Variants in MAT2B observed in about 807,000 individuals in gnomAD.
The protein encoded by MAT2B is methionine adenosyltransferase 2 subunit beta.
Under a neutral mutation model 36.1 loss-of-function variants are expected in MAT2B, and 16 were observed. The ratio of observed to expected loss-of-function variants is 0.44; its 90% confidence interval spans 0.30 to 0.67. The LOEUF is 0.67. Ranked by LOEUF, MAT2B falls within the 30% of genes least tolerant of loss-of-function variation. The pLI, the probability that MAT2B is intolerant of heterozygous loss-of-function variation, is 0.09. For missense variants in MAT2B, 332 were observed against 398.2 expected (o/e 0.83, Z 1.42); for synonymous variants, 148 against 136.9 (o/e 1.08, Z -0.57).
Position 163,511,995 on chromosome 5 carries a change from CT to C in MAT2B, c.64-3del. The C allele has an allele frequency of 6.2e-7, 1 of 1,607,672 alleles. No individual in the cohort carries two copies. The highest frequency in any genetic ancestry group is 8.5e-7 in the Non-Finnish European group (1 of 1,175,618). The stretch of plus-strand genomic sequence containing the variant: ...AGTAACTCTTTCTATCCGCCTTCAC[CT>C]TTTAGGAGGAAGTTAACATCCCTAA... On this transcript the variant is annotated splice_polypyrimidine_tract_variant and splice_region_variant and intron_variant, in intron 1 of 6. Coordinates refer to ENST00000321757, the MANE Select transcript of MAT2B (RefSeq NM_013283.5).
chr5:163,505,616 GCTGAGGCCCGCGTCGATC>G, exon 1 of MAT2B: 2 of 1,249,746 alleles, frequency 1.6e-6, no homozygotes, highest in Non-Finnish European at 2.0e-6. Flanking sequence ...GGGCGTCTGA[GCTGAGGCCCGCGTCGATC>G]CTGGGTTGGA....
intron 5 of MAT2B, chr5:163,517,139 A>G (rs1760145425): frequency 9.0e-6 from 2 of 222,736 alleles, no homozygotes; most frequent in South Asian, 2.4e-4. Flanking sequence ...CAGTTTTTTA[A>G]TATATGAGAA....
At chr5:163,515,882 C>T (rs1463461527) in intron 4 of MAT2B, among the ~76,000 whole-genome samples, 3 of 143,764 alleles carry the variant, frequency 2.1e-5, no homozygotes, top group African/African-American at 7.6e-5. Flanking sequence ...TTAAGCAATC[C>T]TCCCACCACG....
rs376756318 is a variant in MAT2B at position 163,512,066 on chromosome 5, C to T, written c.128C>T (p.Ala43Val). 1 of 1,614,168 alleles carries T rather than the reference C, an allele frequency of 6.2e-7. No homozygotes were observed. The highest frequency in any genetic ancestry group is 8.5e-7 in the Non-Finnish European group (1 of 1,179,992). ...GGTGCCACTGGGCTTCTTGGCAGAG[C>T]TGTACACAAAGAATTTCAGCAGAAT... ...VTGATGLLGR[A>V]VHKEFQQNNW... Residue 43 changes from alanine to valine, a missense_variant, in exon 2 of 7, where the codon GCT becomes GTT. By Grantham distance (64) the Ala-to-Val change is moderately conservative (BLOSUM62 0). Transcript: ENST00000321757.
In MAT2B at chr5:163,515,929, C is replaced by G. The variant is rs1291953397; in HGVS notation, c.527-589C>G. Among the ~76,000 whole-genome samples the G allele has an allele frequency of 2.6e-5, 4 of 151,942 alleles. 1 individual carries two copies. The highest frequency in any genetic ancestry group is 5.9e-5 in the Non-Finnish European group (4 of 67,976). On this transcript the variant is annotated intron_variant, in intron 4 of 6. Transcript: ENST00000321757. ...TTTTTACATTTTGTAGAGACGAGGT[C>G]TCACTGTGTTGTCCACGCTGGTCTC...
At chr5:163,514,444 C>T (rs1488120527) in intron 4 of MAT2B, among the ~76,000 whole-genome samples, 1 of 152,098 alleles carries the variant, frequency 6.6e-6, no homozygotes, top group Admixed American at 6.6e-5. Flanking sequence ...TTGTGTATAA[C>T]ACACATCTCC....
chr5:163,515,688 CAT>C lies in MAT2B; in HGVS notation c.527-827_527-826del, dbSNP rs758720365. Among the ~76,000 whole-genome samples, 8 of 146,368 alleles carry C rather than the reference CAT, an allele frequency of 5.5e-5. No homozygotes were observed. In the South Asian group the frequency reaches 1.8e-3, roughly 33 times the overall value. Reference sequence around the variant, plus strand: ...CATGATAAGTTTTATTTTTAATGATCATATTAATGTAGGATTTATATATATAA... The same window carrying C: ...CATGATAAGTTTTATTTTTAATGATCATTAATGTAGGATTTATATATATAA... On this transcript the variant is annotated intron_variant, in intron 4 of 6. Transcript: ENST00000321757.
At chr5:163,516,931 C>T (rs1316281157) in intron 5 of MAT2B, 5 of 588,302 alleles carry the variant, frequency 8.5e-6, no homozygotes, top group Middle Eastern at 4.3e-4. Flanking sequence ...ACTATAGATC[C>T]CATCATTTCT....
chr5:163,512,380 C>G (rs181047154), intron 2 of MAT2B, 184 bp downstream of exon 2: 1 of 603,254 alleles, frequency 1.7e-6, no homozygotes, highest in South Asian at 2.0e-5. Flanking sequence ...AATTTTGACA[C>G]GCTGACAAAG....
intron 1 of MAT2B, among the ~76,000 whole-genome samples, chr5:163,509,694 G>T (rs895196465): frequency 2.6e-5 from 4 of 152,138 alleles, no homozygotes; most frequent in Non-Finnish European, 4.4e-5. Context: ...TATTTATCCT[G>T]TGTAAATTGT....
intron 1 of MAT2B, among the ~76,000 whole-genome samples, chr5:163,509,786 A>C (rs914331013): frequency 6.6e-6 from 1 of 152,156 alleles, no homozygotes. Flanking sequence ...TTTCTTGCCA[A>C]ATTTCAAAGA....
At chr5:163,516,844 A>T in intron 5 of MAT2B, 133 bp downstream of exon 5, 1 of 782,444 alleles carries the variant, frequency 1.3e-6, no homozygotes, top group Non-Finnish European at 2.2e-6. Context: ...GAGACCAAAC[A>T]AAAGTAGTTT....
At chr5:163,515,941 T>C (rs1031323189) in intron 4 of MAT2B, among the ~76,000 whole-genome samples, 21 of 151,974 alleles carry the variant, frequency 1.4e-4, no homozygotes, top group Non-Finnish European at 2.2e-4. Flanking sequence ...CACTGTGTTG[T>C]CCACGCTGGT....
chr5:163,512,445 A>G (rs955343302), intron 2 of MAT2B: 1 of 520,258 alleles, frequency 1.9e-6, no homozygotes, highest in African/African-American at 1.9e-5. Context: ...CTTCTAAGTA[A>G]TACTTTCTCT....
chr5:163,505,750 G>A lies in MAT2B; in HGVS notation c.63+1G>A. 1 of 1,274,006 alleles carries A rather than the reference G, an allele frequency of 7.8e-7. No individual in the cohort carries two copies. The highest frequency in any genetic ancestry group is 1.0e-6 in the Non-Finnish European group (1 of 1,002,986). The allele number at this position is 1,274,006 out of a possible 1,614,324, so 78.9% of individuals were successfully genotyped here. On this transcript the variant is annotated splice_donor_variant, in intron 1 of 6. Transcript: ENST00000321757. LOFTEE classifies it high-confidence loss of function. ...TCCCGGGAGCTGTCGGCTGGTGGAG[G>A]TGAGGGAGTCGGCCTGGGCGTCTCC...
upstream of MAT2B, chr5:163,503,462 G>A (rs376852803): frequency 6.3e-6 from 10 of 1,591,654 alleles, no homozygotes; most frequent in Admixed American, 1.2e-4. Context: ...GCATTCTAGA[G>A]TAAGAGATGC....
At chr5:163,517,985 G>A in intron 6 of MAT2B, 1 of 516,638 alleles carries the variant, frequency 1.9e-6, no homozygotes, top group Non-Finnish European at 3.4e-6. Context: ...AGGCACAATG[G>A]CTCATGCCTG....
At chr5:163,517,456 G>A (rs1339426687) in intron 5 of MAT2B, 105 bp from the exon 6 acceptor site, 4 of 573,724 alleles carry the variant, frequency 7.0e-6, no homozygotes, top group Non-Finnish European at 1.3e-5. Flanking sequence ...AAAGAGGGTT[G>A]CCTTTTAGTT....
chr5:163,509,682 C>G (rs563477607), intron 1 of MAT2B, among the ~76,000 whole-genome samples: 1 of 152,128 alleles, frequency 6.6e-6, no homozygotes, highest in South Asian at 2.1e-4. Flanking sequence ...GAATCTTTAC[C>G]GTATTTATCC....
Sources: gnomAD v4.1 joint callset for allele counts (sites outside exome capture counted in the v4.1 genomes callset) on GRCh38, gnomAD v4.1.1 for gene constraint, MANE v1.5 for transcripts, NCBI Gene and HGNC (gene_info 2026-07-23, HGNC 2026-07-21) for gene names.